RABGAP1L: variants seen among roughly 807,000 people sequenced by gnomAD.
RABGAP1L encodes the protein rab GTPase-activating protein 1-like.
A neutral mutation model predicts 137.7 loss-of-function variants in RABGAP1L; 63 were observed. The ratio of observed to expected loss-of-function variants is 0.46; its 90% CI spans 0.37 to 0.56. The LOEUF is 0.56. Among genes scored for constraint, RABGAP1L ranks in the 20% least tolerant of loss-of-function variants. The pLI is 0.00. For synonymous variants in RABGAP1L, 431 were observed against 433.7 expected (o/e 0.99, Z 0.08); for missense variants, 1,095 against 1,244.0 (o/e 0.88, Z 1.80).
intron 11 of RABGAP1L, among the ~76,000 whole-genome samples, chr1:174,346,690 T>C (rs1682462140): frequency 6.6e-6 from 1 of 152,026 alleles, no homozygotes; most frequent in Non-Finnish European, 1.5e-5. Context: ...AAATAACTTG[T>C]CATTTTGTTG....
chr1:174,571,706 C>T (rs983370140), intron 13 of RABGAP1L, among the ~76,000 whole-genome samples: 4 of 152,100 alleles, frequency 2.6e-5, no homozygotes, highest in Non-Finnish European at 5.9e-5. Flanking sequence ...GCTCTTCAGA[C>T]AAGAGCTTCT....
chr1:174,877,384 G>A lies in RABGAP1L; in HGVS notation c.2340+65424G>A, dbSNP rs775479200. 16 of 1,439,298 alleles carry A rather than the reference G, an allele frequency of 1.1e-5. No homozygotes were observed. The East Asian group carries it at 1.4e-4, about 13-fold the overall frequency. The allele number at this position is 1,439,298 out of a possible 1,614,324, so 89.2% of individuals were successfully genotyped here. A position where few individuals can be genotyped will look rare whatever the true frequency, so the allele number is the denominator to read the frequency against. ...TGGATTTTTGACACTCCACCCCCTC[G>A]AACTCAGGTGGGTGTGTACACTGGC... On this transcript the variant is annotated intron_variant, in intron 19 of 25. Transcript: ENST00000681986.
intron 18 of RABGAP1L, among the ~76,000 whole-genome samples, chr1:174,804,456 A>C (rs1314667234): frequency 6.6e-6 from 1 of 151,556 alleles, no homozygotes; most frequent in Non-Finnish European, 1.5e-5. Context: ...TTTTTTGTAG[A>C]ACTGAGGTTT....
At chr1:174,780,798 C>T (rs1164494010) in intron 18 of RABGAP1L, among the ~76,000 whole-genome samples, 2 of 146,258 alleles carry the variant, frequency 1.4e-5, no homozygotes, top group African/African-American at 2.5e-5. Flanking sequence ...TCAATTCCCA[C>T]CTGTGAGTGA....
intron 13 of RABGAP1L, among the ~76,000 whole-genome samples, chr1:174,501,395 G>A (rs1014393764): frequency 2.0e-5 from 3 of 151,940 alleles, no homozygotes; most frequent in African/African-American, 7.2e-5. Flanking sequence ...CACCATGTTG[G>A]CCAGGCTGGT....
chr1:174,307,850 A>AT (rs1678450735), intron 11 of RABGAP1L, among the ~76,000 whole-genome samples: 1 of 152,124 alleles, frequency 6.6e-6, no homozygotes, highest in Non-Finnish European at 1.5e-5. Context: ...GGATTGCTAG[A>AT]TTATATGGTA....
chr1:174,372,137 C>T (rs1450081940), intron 12 of RABGAP1L, among the ~76,000 whole-genome samples: 2 of 152,002 alleles, frequency 1.3e-5, no homozygotes, highest in East Asian at 3.9e-4. Flanking sequence ...TTTCAGAGAA[C>T]TTATTTAACT....
intron 1 of RABGAP1L, among the ~76,000 whole-genome samples, chr1:174,183,433 C>T (rs752998217): frequency 6.6e-6 from 1 of 152,020 alleles, no homozygotes; most frequent in Non-Finnish European, 1.5e-5. Context: ...CCGCTGTAAC[C>T]GGCCTAAAGA....
At chr1:174,326,917 A>G (rs1048488024) in intron 11 of RABGAP1L, among the ~76,000 whole-genome samples, 14 of 152,192 alleles carry the variant, frequency 9.2e-5, no homozygotes, top group African/African-American at 3.1e-4. Context: ...CTGAAGGGAA[A>G]CAATCAAACA....
At chr1:174,451,908 A>G (rs1571875543) in intron 13 of RABGAP1L, among the ~76,000 whole-genome samples, 2 of 152,174 alleles carry the variant, frequency 1.3e-5, no homozygotes, top group Admixed American at 6.5e-5. Flanking sequence ...TGAAATCTCT[A>G]TCAATTTCTT....
chr1:174,738,508 G>A (rs1683136123), intron 17 of RABGAP1L, among the ~76,000 whole-genome samples: 2 of 152,208 alleles, frequency 1.3e-5, no homozygotes, highest in Admixed American at 6.5e-5. Flanking sequence ...CTAAAATACA[G>A]TAGATGTTAA....
chr1:174,814,700 C>CT lies in RABGAP1L; in HGVS notation c.2340+2752dup, dbSNP rs370445261. On this transcript the variant is annotated intron_variant, in intron 19 of 25. Transcript: ENST00000681986. ...TTTTTGTTCTATTGTATTGTATTTC[C>CT]TTTTTTTTTTTTGAAATGGAGTCTC... 2.5e-3 allele frequency among the ~76,000 whole-genome samples: 362 copies of CT among 145,552 alleles called. 1 individual carries two copies. Among genetic ancestry groups the CT allele is most frequent in the African/African-American group, 6.9e-3 (275 of 39,934 alleles).
intron 13 of RABGAP1L, among the ~76,000 whole-genome samples, chr1:174,416,797 C>T (rs994226073): frequency 3.9e-5 from 6 of 152,042 alleles, no homozygotes; most frequent in African/African-American, 1.2e-4. Flanking sequence ...TTTAACTTAA[C>T]AAGAGTATGT....
intron 19 of RABGAP1L, among the ~76,000 whole-genome samples, chr1:174,855,905 T>C (rs1261795467): frequency 6.6e-6 from 1 of 152,256 alleles, no homozygotes; most frequent in Non-Finnish European, 1.5e-5. Context: ...CACTCTGCTT[T>C]GTACATAGAA....
At chr1:174,872,319 T>C (rs1558172934) in intron 19 of RABGAP1L, among the ~76,000 whole-genome samples, 1 of 152,168 alleles carries the variant, frequency 6.6e-6, no homozygotes, top group Non-Finnish European at 1.5e-5. Flanking sequence ...ACTTATCTTT[T>C]ACTTGTTCTT....
At chr1:174,239,012 G>A (rs979603018) in intron 4 of RABGAP1L, 3 of 154,958 alleles carry the variant, frequency 1.9e-5, no homozygotes, top group African/African-American at 7.2e-5. Context: ...CAATATTCGG[G>A]TGGGAGTGAC....
At chr1:174,339,195 CTT>C (rs1224570892) in intron 11 of RABGAP1L, among the ~76,000 whole-genome samples, 1 of 152,050 alleles carries the variant, frequency 6.6e-6, no homozygotes, top group East Asian at 1.9e-4. Context: ...TAGAAAATAT[CTT>C]TAAAAAATTA....
chr1:174,398,813 T>G (rs1298466280), intron 13 of RABGAP1L, among the ~76,000 whole-genome samples: 6 of 152,166 alleles, frequency 3.9e-5, no homozygotes, highest in Non-Finnish European at 8.8e-5. Context: ...ACCTTTCTGT[T>G]CCCCAACTGC....
rs1661700407 is a variant in RABGAP1L at position 174,505,145 on chromosome 1, A to G, written c.1710+111000A>G. Among the ~76,000 whole-genome samples, 3 of 152,196 alleles carry G rather than the reference A, an allele frequency of 2.0e-5. 1 individual carries two copies. The South Asian group carries it at 6.2e-4, about 31-fold the overall frequency. On this transcript the variant is annotated intron_variant, in intron 13 of 25. Coordinates refer to ENST00000681986, the MANE Select transcript of RABGAP1L (RefSeq NM_001366446.1). ...ATAAGAGGAATTTGCATATCTTTAC[A>G]GATTTGGCAGTGATCAAAGCAAAAG...
Sources: allele counts gnomAD v4.1 joint callset (sites outside exome capture counted in the v4.1 genomes callset), GRCh38; gene constraint gnomAD v4.1.1; transcripts MANE v1.5; gene names NCBI Gene and HGNC (gene_info 2026-07-23, HGNC 2026-07-21).